The following MAST2 variants were observed in gnomAD, a reference collection of about 807,000 sequenced individuals.
MAST2 encodes microtubule-associated serine/threonine-protein kinase 2.
A neutral mutation model predicts 147.4 loss-of-function variants in MAST2; 70 were observed. That is an observed-to-expected ratio of 0.47 (90% CI 0.39 to 0.58). The LOEUF (loss-of-function observed/expected upper bound fraction) is 0.58. Among genes scored for constraint, MAST2 ranks in the 20% least tolerant of loss-of-function variants. MAST2 has a pLI of 0.00. For missense variants in MAST2, 2,080 were observed against 2,302.3 expected (o/e 0.90, Z 1.98); for synonymous variants, 869 against 896.8 (o/e 0.97, Z 0.55).
intron 6 of MAST2, 106 bp downstream of exon 6, chr1:45,997,905 A>G: frequency 1.1e-6 from 1 of 916,626 alleles, no homozygotes; most frequent in South Asian, 1.4e-5. Flanking sequence ...TTTCAAGTGT[A>G]TTACCTGAAG....
intron 4 of MAST2, among the ~76,000 whole-genome samples, chr1:45,953,137 A>G (rs1359665965): frequency 5.3e-5 from 8 of 152,180 alleles, no homozygotes; most frequent in Non-Finnish European, 1.0e-4. Context: ...TGTTGAGACA[A>G]GAACACCTAT....
chr1:45,924,201 A>G (rs559892956), intron 4 of MAST2, among the ~76,000 whole-genome samples: 1 of 152,262 alleles, frequency 6.6e-6, no homozygotes, highest in East Asian at 1.9e-4. Context: ...GGCCTGTATC[A>G]TTCCATTTTA....
At chr1:45,895,811 G>GT (rs1648641001) in intron 4 of MAST2, among the ~76,000 whole-genome samples, 1 of 152,066 alleles carries the variant, frequency 6.6e-6, no homozygotes, top group Non-Finnish European at 1.5e-5. Context: ...ATTGAAAATG[G>GT]CAAAATGTCA....
At chr1:45,897,196 C>CTAGGAG in intron 4 of MAST2, among the ~76,000 whole-genome samples, 1 of 152,254 alleles carries the variant, frequency 6.6e-6, no homozygotes, top group South Asian at 2.1e-4. Flanking sequence ...CAATACAAGT[C>CTAGGAG]TAGGAGTAGG....
intron 5 of MAST2, among the ~76,000 whole-genome samples, chr1:45,990,591 C>T (rs1644820342): frequency 6.6e-6 from 1 of 152,072 alleles, no homozygotes; most frequent in African/African-American, 2.4e-5. Flanking sequence ...CTCAAATGAT[C>T]CTCCCACCTC....
chr1:46,032,073 G>A, intron 24 of MAST2, 105 bp from the exon 25 acceptor site: 1 of 876,472 alleles, frequency 1.1e-6, no homozygotes, highest in Non-Finnish European at 1.9e-6. Flanking sequence ...ATGGACCTAG[G>A]CTCAGGCTCT....
intron 10 of MAST2, among the ~76,000 whole-genome samples, chr1:46,013,979 T>C (rs969244006): frequency 3.3e-5 from 5 of 151,830 alleles, no homozygotes; most frequent in African/African-American, 1.2e-4. Flanking sequence ...ATTTACTGTG[T>C]TTTTTTTCCG....
At chr1:45,843,181 C>A (rs1009005616) in intron 3 of MAST2, among the ~76,000 whole-genome samples, 7 of 151,626 alleles carry the variant, frequency 4.6e-5, no homozygotes, top group African/African-American at 7.3e-5. Flanking sequence ...GGGTATTAGA[C>A]CCTTAGTTAT....
intron 4 of MAST2, among the ~76,000 whole-genome samples, chr1:45,926,935 GA>G (rs1456764395): frequency 2.0e-5 from 3 of 152,156 alleles, no homozygotes; most frequent in Admixed American, 6.5e-5. Context: ...GACCTGTCCC[GA>G]TAATCATGTA....
At chr1:45,891,852 G>A (rs953897033) in intron 4 of MAST2, among the ~76,000 whole-genome samples, 4 of 152,014 alleles carry the variant, frequency 2.6e-5, no homozygotes, top group Admixed American at 2.6e-4. Flanking sequence ...ACTTTTAAAG[G>A]CCTCTATTAT....
chr1:45,923,223 A>C (rs2148658455), intron 4 of MAST2, among the ~76,000 whole-genome samples: 1 of 152,202 alleles, frequency 6.6e-6, no homozygotes, highest in Admixed American at 6.5e-5. Flanking sequence ...TTCCCAGGGC[A>C]GTGGGCCTGT....
chr1:45,810,830 G>A (rs1644268293), intron 1 of MAST2, among the ~76,000 whole-genome samples: 1 of 144,496 alleles, frequency 6.9e-6, no homozygotes, highest in African/African-American at 2.5e-5. Flanking sequence ...AAAAAAAAAA[G>A]GATAATAAGT....
intron 3 of MAST2, among the ~76,000 whole-genome samples, chr1:45,846,831 A>C (rs186063630): frequency 2.3e-3 from 345 of 152,258 alleles, no homozygotes; most frequent in Middle Eastern, 6.8e-3. Context: ...TCTTAAAAAA[A>C]AAAAAAAATT....
Position 46,027,712 on chromosome 1 carries a change from T to G in MAST2, c.1920-19T>G, listed in dbSNP as rs781401028. The G allele has an allele frequency of 6.2e-7, 1 of 1,600,282 alleles. No individual in the cohort carries two copies. The highest frequency in any genetic ancestry group is 2.3e-5 in the East Asian group (1 of 44,350). Reference sequence around the variant, plus strand: ...AAAACCAGGAATAACTTCTTAATTTTATTTCTTCGTTCTTCCAGCCTCCTA... The same window carrying G: ...AAAACCAGGAATAACTTCTTAATTTGATTTCTTCGTTCTTCCAGCCTCCTA... On this transcript the variant is annotated intron_variant, in intron 16 of 28. Coordinates refer to ENST00000361297, the MANE Select transcript of MAST2 (RefSeq NM_015112.3).
intron 10 of MAST2, among the ~76,000 whole-genome samples, chr1:46,012,524 A>G (rs1020767923): frequency 2.6e-5 from 4 of 152,202 alleles, no homozygotes; most frequent in Non-Finnish European, 5.9e-5. Context: ...AGTTATTACT[A>G]TACTGAATAC....
At chr1:45,811,270 A>C (rs1345925554) in intron 1 of MAST2, among the ~76,000 whole-genome samples, 3 of 144,070 alleles carry the variant, frequency 2.1e-5, no homozygotes, top group African/African-American at 7.8e-5. Flanking sequence ...GGGTTCAAGC[A>C]ATTCTCCTGC....
chr1:45,962,040 G>A (rs901162236), intron 5 of MAST2, among the ~76,000 whole-genome samples: 9 of 151,742 alleles, frequency 5.9e-5, no homozygotes, highest in Non-Finnish European at 8.8e-5. Flanking sequence ...TTGTCCTTGC[G>A]ATAGTTTGCT....
intron 5 of MAST2, among the ~76,000 whole-genome samples, chr1:45,979,049 A>G (rs572663382): frequency 1.3e-5 from 2 of 152,038 alleles, no homozygotes; most frequent in South Asian, 4.2e-4. Context: ...TGAGAGAAAA[A>G]CTAGAGTGTT....
At chr1:45,991,000 C>T (rs781289283) in intron 5 of MAST2, among the ~76,000 whole-genome samples, 1 of 151,964 alleles carries the variant, frequency 6.6e-6, no homozygotes, top group Non-Finnish European at 1.5e-5. Flanking sequence ...CAAGTTTTAT[C>T]GTTTTTTGTT....
Sources: allele counts gnomAD v4.1 joint callset (sites outside exome capture counted in the v4.1 genomes callset), GRCh38; gene constraint gnomAD v4.1.1; transcripts MANE v1.5; gene names NCBI Gene and HGNC (gene_info 2026-07-23, HGNC 2026-07-21).